PPP1R12B: variants seen among roughly 807,000 people sequenced by gnomAD.
The protein encoded by PPP1R12B is myosin phosphatase target subunit 2.
PPP1R12B carries 76 observed loss-of-function variants against 126.1 expected under a neutral mutation model. The ratio of observed to expected loss-of-function variants is 0.60; its 90% CI spans 0.50 to 0.73. The LOEUF (loss-of-function observed/expected upper bound fraction) is 0.73. Ranked by LOEUF, PPP1R12B falls within the 30% of genes least tolerant of loss-of-function variation. The pLI is 0.00. For synonymous variants in PPP1R12B, 356 were observed against 434.7 expected (o/e 0.82, Z 2.25); for missense variants, 1,052 against 1,205.1 (o/e 0.87, Z 1.88).
At chr1:202,363,949 C>T (rs1468330546) in intron 1 of PPP1R12B, among the ~76,000 whole-genome samples, 5 of 151,890 alleles carry the variant, frequency 3.3e-5, no homozygotes, top group South Asian at 2.1e-4. Context: ...TTAGTAGAGA[C>T]GGGTTTCACC....
At chr1:202,463,250 G>T (rs1458432687) in intron 13 of PPP1R12B, among the ~76,000 whole-genome samples, 3 of 152,194 alleles carry the variant, frequency 2.0e-5, no homozygotes, top group East Asian at 3.8e-4. Context: ...AACTTCTCTA[G>T]TGTTTCTTCA....
Position 202,584,730 on chromosome 1 carries a change from C to T in PPP1R12B, c.*4170C>T, listed in dbSNP as rs768331358. The T allele has an allele frequency of 6.6e-6, 1 of 152,152 alleles. No individual in the cohort carries two copies. Among genetic ancestry groups the T allele is most frequent in the Non-Finnish European group, 1.5e-5 (1 of 68,044 alleles). 9.4% of individuals were successfully genotyped at this position (152,152 alleles called of 1,614,324 possible). A position where few individuals can be genotyped will look rare whatever the true frequency, so the allele number is the denominator to read the frequency against. On this transcript the variant is annotated 3_prime_UTR_variant, in exon 24 of 24. Coordinates refer to ENST00000608999, the MANE Select transcript of PPP1R12B (RefSeq NM_002481.4). ...TGTTGCCAGTTATTCAGCTTCCAGGCGGCTTTGCACCTCCAAAGGTGCAAA... is the reference window on the plus strand; with the variant it reads ...TGTTGCCAGTTATTCAGCTTCCAGGTGGCTTTGCACCTCCAAAGGTGCAAA...
At chr1:202,399,561 A>G (rs954825519) in intron 1 of PPP1R12B, among the ~76,000 whole-genome samples, 2 of 150,634 alleles carry the variant, frequency 1.3e-5, no homozygotes, top group South Asian at 2.1e-4. Flanking sequence ...CAATGGCGCA[A>G]TCTTGGCTCA....
chr1:202,386,710 A>G (rs1335544894), intron 1 of PPP1R12B, among the ~76,000 whole-genome samples: 5 of 151,442 alleles, frequency 3.3e-5, no homozygotes, highest in South Asian at 2.1e-4. Context: ...CTGAAGTACT[A>G]TTGTATTTAA....
At chr1:202,537,744 C>T (rs1684695270) in intron 18 of PPP1R12B, among the ~76,000 whole-genome samples, 2 of 152,146 alleles carry the variant, frequency 1.3e-5, no homozygotes, top group Admixed American at 6.6e-5. Flanking sequence ...CTTGCCATGC[C>T]TTTAAGGAAT....
At chr1:202,435,437 C>G (rs1670685425) in intron 9 of PPP1R12B, among the ~76,000 whole-genome samples, 1 of 152,180 alleles carries the variant, frequency 6.6e-6, no homozygotes, top group African/African-American at 2.4e-5. Context: ...ATCCAGCATT[C>G]ATTGTTTTGG....
intron 13 of PPP1R12B, among the ~76,000 whole-genome samples, chr1:202,457,955 G>A (rs1191189070): frequency 6.7e-6 from 1 of 149,788 alleles, no homozygotes; most frequent in East Asian, 1.9e-4. Context: ...AAAAAAAAAA[G>A]TATTCTGTGG....
chr1:202,521,324 T>G (rs930285014), intron 18 of PPP1R12B, among the ~76,000 whole-genome samples: 61 of 151,962 alleles, frequency 4.0e-4, no homozygotes, highest in African/African-American at 1.4e-3. Context: ...CCCAAAACAT[T>G]ACAAAGAACC....
intron 13 of PPP1R12B, among the ~76,000 whole-genome samples, chr1:202,469,948 T>G (rs1000930306): frequency 2.6e-5 from 4 of 152,216 alleles, no homozygotes; most frequent in African/African-American, 9.7e-5. Context: ...ATTACATTTC[T>G]TATCTGATTG....
intron 2 of PPP1R12B, among the ~76,000 whole-genome samples, chr1:202,422,146 C>T (rs1451063236): frequency 1.3e-5 from 2 of 152,190 alleles, no homozygotes; most frequent in African/African-American, 2.4e-5. Flanking sequence ...AATTTAGTTT[C>T]GTCTTACAGC....
chr1:202,392,212 A>G (rs939031042), intron 1 of PPP1R12B, among the ~76,000 whole-genome samples: 6 of 152,108 alleles, frequency 3.9e-5, no homozygotes, highest in African/African-American at 1.4e-4. Flanking sequence ...ATTCATAATA[A>G]CCAAAGGTGA....
chr1:202,361,353 C>T (rs1658173499), intron 1 of PPP1R12B, among the ~76,000 whole-genome samples: 1 of 152,158 alleles, frequency 6.6e-6, no homozygotes, highest in Admixed American at 6.5e-5. Flanking sequence ...TGGTGAGGGC[C>T]TCGGGAAGCT....
chr1:202,524,286 G>A (rs1572385254), intron 18 of PPP1R12B, among the ~76,000 whole-genome samples: 2 of 152,330 alleles, frequency 1.3e-5, no homozygotes, highest in South Asian at 4.1e-4. Context: ...GCAACTGATA[G>A]GATAGAGTTG....
chr1:202,526,057 A>G (rs755917997), intron 18 of PPP1R12B, among the ~76,000 whole-genome samples: 9 of 152,238 alleles, frequency 5.9e-5, no homozygotes, highest in Non-Finnish European at 1.0e-4. Flanking sequence ...GAGAACAACA[A>G]CAACAACAAA....
intron 13 of PPP1R12B, among the ~76,000 whole-genome samples, chr1:202,484,517 C>T (rs538830178): frequency 6.6e-6 from 1 of 152,328 alleles, no homozygotes; most frequent in South Asian, 2.1e-4. Context: ...GAGAGACTTA[C>T]ATAGCACCAT....
rs375188665 is a variant in PPP1R12B, at chr1:202,440,692, T to C, written c.1459-14T>C. On this transcript the variant is annotated splice_polypyrimidine_tract_variant and intron_variant, in intron 10 of 23. Transcript: ENST00000608999. Reference sequence around the variant, plus strand: ...TTGTACCTTTCTTGTGCTTTACTTGTTTTTATTTTACAGGAGAGAGAAAAC... The same window carrying C: ...TTGTACCTTTCTTGTGCTTTACTTGCTTTTATTTTACAGGAGAGAGAAAAC... 5.6e-6 allele frequency: 9 copies of C among 1,602,128 alleles called. No homozygotes were observed. In the East Asian group the frequency reaches 6.7e-5, roughly 12 times the overall value.
chr1:202,366,563 A>G lies in PPP1R12B; in HGVS notation c.291+17421A>G, dbSNP rs147932647. Among the ~76,000 whole-genome samples, 540 of 151,684 alleles carry G rather than the reference A, an allele frequency of 3.6e-3. 5 individuals are homozygous for G. Among genetic ancestry groups the G allele is most frequent in the Non-Finnish European group, 4.5e-3 (307 of 67,906 alleles). Reference sequence around the variant, plus strand: ...AAAATCAGTTGTGTTTTCTTAATACAGTAATGATAACAAAATACATTAAAA... The same window carrying G: ...AAAATCAGTTGTGTTTTCTTAATACGGTAATGATAACAAAATACATTAAAA... On this transcript the variant is annotated intron_variant, in intron 1 of 23. Coordinates refer to ENST00000608999, the MANE Select transcript of PPP1R12B (RefSeq NM_002481.4).
intron 10 of PPP1R12B, chr1:202,439,567 G>A: frequency 2.8e-6 from 4 of 1,447,376 alleles, no homozygotes; most frequent in South Asian, 1.2e-5. Context: ...GCCAGGAACT[G>A]ACCACCCAGG....
rs1166951409 is a variant in PPP1R12B, at chr1:202,427,241, T to TA, written c.846+61dup. ...GAGATTGGTGGCTGGGTCTCTAGAA[T>TA]AAAAGGCTTAACATCTCTTTTCAAT... On this transcript the variant is annotated intron_variant, in intron 5 of 23. Transcript: ENST00000608999. 8.0e-5 allele frequency: 128 copies of TA among 1,599,688 alleles called. 2 individuals are homozygous for TA. In the South Asian group the frequency reaches 1.3e-3, roughly 16 times the overall value.
Sources: allele counts gnomAD v4.1 joint callset (sites outside exome capture counted in the v4.1 genomes callset), GRCh38; gene constraint gnomAD v4.1.1; transcripts MANE v1.5; gene names NCBI Gene and HGNC (gene_info 2026-07-23, HGNC 2026-07-21).